KIRREL3: variants seen among roughly 807,000 people sequenced by gnomAD.
KIRREL3 encodes the protein kin of IRRE-like protein 3.
KIRREL3 carries 36 observed loss-of-function variants against 89.7 expected under a neutral mutation model. The observed-to-expected ratio is 0.40, with a 90% CI of 0.31 to 0.53. The LOEUF is 0.53. Ranked by LOEUF, KIRREL3 falls within the 20% of genes least tolerant of loss-of-function variation. The pLI is 0.49. For synonymous variants in KIRREL3, 445 were observed against 441.4 expected (o/e 1.01, Z -0.10); for missense variants, 864 against 1,056.6 (o/e 0.82, Z 2.53).
intron 1 of KIRREL3, among the ~76,000 whole-genome samples, chr11:126,975,897 TCCC>T (rs1949553587): frequency 1.0e-4 from 4 of 39,128 alleles, no homozygotes; most frequent in Non-Finnish European, 1.6e-4. Flanking sequence ...CCTCCCTCCC[TCCC>T]TCCCTTCCTC....
intron 1 of KIRREL3, among the ~76,000 whole-genome samples, chr11:126,650,937 G>T (rs143066189): frequency 4.6e-5 from 7 of 152,316 alleles, no homozygotes; most frequent in Admixed American, 4.6e-4. Flanking sequence ...GAAGTAAAAG[G>T]CACTTCTTAC....
intron 1 of KIRREL3, among the ~76,000 whole-genome samples, chr11:126,845,398 G>A (rs574824903): frequency 6.6e-6 from 1 of 152,112 alleles, no homozygotes; most frequent in South Asian, 2.1e-4. Context: ...TATCTCCTCT[G>A]TTCAAAGTTT....
In KIRREL3 at chr11:126,729,069, C is replaced by T. The variant is rs565227183; in HGVS notation, c.56-166157G>A. On this transcript the variant is annotated intron_variant, in intron 1 of 16. Transcript: ENST00000525144. The surrounding 1 kb of genome is among the most constrained non-coding windows in gnomAD (Gnocchi z 4.5). The stretch of plus-strand genomic sequence containing the variant: ...GAGTGGGCCCTGGGGAGGGGCAGTA[C>T]CCTCTAGGCCAGAAAACACAACTGG... 6.6e-5 allele frequency among the ~76,000 whole-genome samples: 10 copies of T among 152,290 alleles called. No homozygotes were observed. The East Asian group carries it at 1.5e-3, about 24-fold the overall frequency.
rs895344156 is a variant in KIRREL3 at position 126,516,267 on chromosome 11, G to A, written c.433+5048C>T. Among the ~76,000 whole-genome samples, 2 of 152,166 alleles carry A rather than the reference G, an allele frequency of 1.3e-5. No individual in the cohort carries two copies. Among genetic ancestry groups the A allele is most frequent in the Non-Finnish European group, 2.9e-5 (2 of 68,028 alleles). On this transcript the variant is annotated intron_variant, in intron 4 of 16. Transcript: ENST00000525144. The surrounding 1 kb of genome is among the most constrained non-coding windows in gnomAD (Gnocchi z 4.9). ...TATTTCTAACGGGAGCCACAAGACA[G>A]CAGAGTTAATATTAGAACGGGCCAG...
Position 126,722,822 on chromosome 11 carries a change from A to G in KIRREL3, c.56-159910T>C, listed in dbSNP as rs546461239. 8.5e-4 allele frequency among the ~76,000 whole-genome samples: 129 copies of G among 152,390 alleles called. 2 individuals carry two copies. The South Asian group carries it at 0.024, about 28-fold the overall frequency. ...ATCTGGGAAAACAACTACTCAGTAC[A>G]TATCTGTTGGATGAATGAATGAATG... is the stretch of plus-strand genomic sequence containing the variant. On this transcript the variant is annotated intron_variant, in intron 1 of 16. Transcript: ENST00000525144.
At chr11:126,857,788 T>G (rs2322501) in intron 1 of KIRREL3, among the ~76,000 whole-genome samples, 2,231 of 121,588 alleles carry the variant, frequency 0.018, 7 homozygotes, top group African/African-American at 0.024. Context: ...GCTGTGGGGG[T>G]GGGGTGGGTG....
chr11:126,663,376 G>A (rs1255939231), intron 1 of KIRREL3, among the ~76,000 whole-genome samples: 2 of 151,800 alleles, frequency 1.3e-5, no homozygotes, highest in African/African-American at 2.4e-5. Context: ...TAGTAGAGAC[G>A]GGGTTTCACC....
At chr11:126,721,441 A>G (rs1402372742) in intron 1 of KIRREL3, among the ~76,000 whole-genome samples, 2 of 151,940 alleles carry the variant, frequency 1.3e-5, no homozygotes, top group African/African-American at 4.8e-5. Context: ...GAGGCAGGAG[A>G]ATCGCTTGAA....
Position 126,778,291 on chromosome 11 carries a change from G to A in KIRREL3, c.56-215379C>T, listed in dbSNP as rs920322640. Among the ~76,000 whole-genome samples, 1 of 152,128 alleles carries A rather than the reference G, an allele frequency of 6.6e-6. No homozygotes were observed. The highest frequency in any genetic ancestry group is 6.5e-5 in the Admixed American group (1 of 15,278). ...TCACTTAAAAATATTTTGGAAACTA[G>A]TGCAAGAGGAGGCCAGGGGATTTGT... On this transcript the variant is annotated intron_variant, in intron 1 of 16. Transcript: ENST00000525144. The surrounding 1 kb of genome is among the most constrained non-coding windows in gnomAD (Gnocchi z 4.5).
intron 16 of KIRREL3, among the ~76,000 whole-genome samples, chr11:126,425,349 A>G (rs2135592158): frequency 1.3e-5 from 2 of 152,302 alleles, no homozygotes; most frequent in East Asian, 3.9e-4. Context: ...TTTGAAAGTC[A>G]GGCTTTTTAA....
rs1340014973 is a variant in KIRREL3, at chr11:126,904,316, C to T, written c.55+96139G>A. 3.3e-5 allele frequency among the ~76,000 whole-genome samples: 5 copies of T among 152,102 alleles called. No individual in the cohort carries two copies. The highest frequency in any genetic ancestry group is 2.1e-4 in the South Asian group (1 of 4,828). ...AGGTAAATGTCTGTATTTTATGGCC[C>T]GAAGCCCCCAAACTCATGATTATTT... On this transcript the variant is annotated intron_variant, in intron 1 of 16. Transcript: ENST00000525144. This position sits in a 1 kb window ranked among gnomAD's most constrained non-coding sequence, Gnocchi z 4.4.
At position 126,773,141 on chromosome 11, in the gene KIRREL3, T is replaced by G. The variant is rs1321234715; in HGVS notation, c.56-210229A>C. ...TCACTGCACATTAATCCATTGATTT[T>G]GTAGGTCTGTGATGATTGATTTTTT... On this transcript the variant is annotated intron_variant, in intron 1 of 16. Coordinates refer to ENST00000525144, the MANE Select transcript of KIRREL3 (RefSeq NM_032531.4). The surrounding 1 kb of genome is among the most constrained non-coding windows in gnomAD (Gnocchi z 4.2). Among the ~76,000 whole-genome samples the G allele has an allele frequency of 5.3e-5, 8 of 152,238 alleles. No individual in the cohort carries two copies. Among genetic ancestry groups the G allele is most frequent in the South Asian group, 4.1e-4 (2 of 4,830 alleles).
chr11:126,583,248 G>C (rs1484929901), intron 1 of KIRREL3, among the ~76,000 whole-genome samples: 1 of 152,184 alleles, frequency 6.6e-6, no homozygotes, highest in African/African-American at 2.4e-5. Context: ...GTGGTTACCA[G>C]GGAAAATATG....
rs1947392474 is a variant in KIRREL3 at position 126,703,457 on chromosome 11, C to T, written c.56-140545G>A. Among the ~76,000 whole-genome samples, 1 of 152,232 alleles carries T rather than the reference C, an allele frequency of 6.6e-6. No homozygotes were observed. Among genetic ancestry groups the T allele is most frequent in the South Asian group, 2.1e-4 (1 of 4,834 alleles). ...GCCAGGCTCTGTGCTAAGTGCTTTA[C>T]ATTTTATCCTCCCCTCCACCCTATA... On this transcript the variant is annotated intron_variant, in intron 1 of 16. Transcript: ENST00000525144. The surrounding 1 kb of genome is among the most constrained non-coding windows in gnomAD (Gnocchi z 4.6).
intron 1 of KIRREL3, among the ~76,000 whole-genome samples, chr11:126,679,308 G>T (rs1041318785): frequency 2.6e-5 from 4 of 152,334 alleles, no homozygotes; most frequent in Admixed American, 2.0e-4. Flanking sequence ...TAGCCTTGTG[G>T]TTGAAGCCAC....
chr11:126,724,460 G>A lies in KIRREL3; in HGVS notation c.56-161548C>T, dbSNP rs151206241. On this transcript the variant is annotated intron_variant, in intron 1 of 16. Coordinates refer to ENST00000525144, the MANE Select transcript of KIRREL3 (RefSeq NM_032531.4). This position sits in a 1 kb window ranked among gnomAD's most constrained non-coding sequence, Gnocchi z 4.3. ...CAGCAGATGGACACCCTGGAGGTTC[G>A]GAGCCATGTCACTCCCTATCAGCCC... Among the ~76,000 whole-genome samples, 11 of 152,234 alleles carry A rather than the reference G, an allele frequency of 7.2e-5. 1 individual carries two copies. The East Asian group carries it at 1.4e-3, about 19-fold the overall frequency.
At position 126,742,800 on chromosome 11, in the gene KIRREL3, C is replaced by A. The variant is rs1405020841; in HGVS notation, c.56-179888G>T. ...CAGCTAGAACGTTATTGATCAACAA[C>A]TTTGCCACATCACTGGCACATTCGT... is the stretch of plus-strand genomic sequence containing the variant. On this transcript the variant is annotated intron_variant, in intron 1 of 16. Coordinates refer to ENST00000525144, the MANE Select transcript of KIRREL3 (RefSeq NM_032531.4). The surrounding 1 kb of genome is among the most constrained non-coding windows in gnomAD (Gnocchi z 5.3). 6.6e-6 allele frequency among the ~76,000 whole-genome samples: 1 copy of A among 152,242 alleles called. No individual in the cohort carries two copies. The highest frequency in any genetic ancestry group is 1.5e-5 in the Non-Finnish European group (1 of 68,038).
At position 126,498,796 on chromosome 11, in the gene KIRREL3, C is replaced by G. The variant is rs35285069; in HGVS notation, c.433+22519G>C. ...GTTGAGTCCCCCTCCCACAGGAGCACCTGCGTGGGCCCTCAGTAAATGCCA... is the reference window on the plus strand; with the variant it reads ...GTTGAGTCCCCCTCCCACAGGAGCAGCTGCGTGGGCCCTCAGTAAATGCCA... On this transcript the variant is annotated intron_variant, in intron 4 of 16. Transcript: ENST00000525144. This position sits in a 1 kb window ranked among gnomAD's most constrained non-coding sequence, Gnocchi z 4.3. 6.6e-6 allele frequency among the ~76,000 whole-genome samples: 1 copy of G among 152,266 alleles called. No homozygotes were observed. The highest frequency in any genetic ancestry group is 2.4e-5 in the African/African-American group (1 of 41,548).
chr11:126,432,580 C>A lies in KIRREL3; in HGVS notation c.1589-1054G>T, dbSNP rs1273519622. 1.3e-5 allele frequency among the ~76,000 whole-genome samples: 2 copies of A among 152,018 alleles called. No individual in the cohort carries two copies. Among genetic ancestry groups the A allele is most frequent in the Non-Finnish European group, 2.9e-5 (2 of 67,996 alleles). ...CTCTCACTGCTCCCACCCCTCCACT[C>A]ACCCCACTCCCACCCCGTCCAGCTC... is the stretch of plus-strand genomic sequence containing the variant. On this transcript the variant is annotated intron_variant, in intron 13 of 16. Transcript: ENST00000525144. This position sits in a 1 kb window ranked among gnomAD's most constrained non-coding sequence, Gnocchi z 6.2.
Sources: allele counts gnomAD v4.1 joint callset (sites outside exome capture counted in the v4.1 genomes callset), GRCh38; gene constraint gnomAD v4.1.1; non-coding constraint Gnocchi (gnomAD v3.1); transcripts MANE v1.5; gene names NCBI Gene and HGNC (gene_info 2026-07-23, HGNC 2026-07-21).